The following C1orf115 variants were observed in gnomAD, a reference collection of about 807,000 sequenced individuals.
The protein encoded by C1orf115 is chromosome 1 open reading frame 115.
A neutral mutation model predicts 12.5 loss-of-function variants in C1orf115; 14 were observed. That is an observed-to-expected ratio of 1.12 (90% CI 0.74 to 1.75). The LOEUF (loss-of-function observed/expected upper bound fraction) is 1.75. Among genes scored for constraint, C1orf115 ranks in the 40% most tolerant of loss-of-function variants. The pLI, the probability that C1orf115 is intolerant of heterozygous loss-of-function variation, is 0.00. For missense variants in C1orf115, 237 were observed against 220.8 expected, an observed-to-expected ratio of 1.07 and a Z score of -0.46; for synonymous variants, 109 against 104.6, an observed-to-expected ratio of 1.04 and a Z score of -0.26.
At chr1:220,690,741 G>A in intron 1 of C1orf115, 30 bp downstream of exon 1, 1 of 1,555,334 alleles carries the variant, frequency 6.4e-7, no homozygotes, top group Non-Finnish European at 8.7e-7. Flanking sequence ...ACTGCCCGGG[G>A]GGCGCGGGTG....
intron 1 of C1orf115, among the ~76,000 whole-genome samples, chr1:220,693,200 G>A (rs1173230845): frequency 1.3e-5 from 2 of 152,148 alleles, no homozygotes; most frequent in African/African-American, 4.8e-5. Context: ...TGAAATAGTG[G>A]TTGAGAGATA....
intron 1 of C1orf115, among the ~76,000 whole-genome samples, chr1:220,695,331 C>T (rs1670175311): frequency 6.6e-6 from 1 of 151,800 alleles, no homozygotes; most frequent in South Asian, 2.1e-4. Context: ...AAGCCAAGAT[C>T]AAGGTGGGAG....
At position 220,690,623 on chromosome 1, in the gene C1orf115, T is replaced by C; in HGVS notation, c.221T>C (p.Leu74Pro). 2 of 1,553,252 alleles carry C rather than the reference T, an allele frequency of 1.3e-6. No individual in the cohort carries two copies. Among genetic ancestry groups the C allele is most frequent in the Non-Finnish European group, 8.7e-7 (1 of 1,153,006 alleles). ...GCGCGGAGGGTGCACTTCGCCCTCC[T>C]GCCCGAGCGCTACGAGCCACTGGAG... ...RGARRVHFAL[L>P]PERYEPLEEP... is the part of the protein sequence containing the mutation. Residue 74 changes from leucine (L) to proline (P), a missense_variant, in exon 1 of 2, where the codon CTG becomes CCG. Physicochemically the swap from Leu to Pro is moderately conservative, Grantham distance 98. Transcript: ENST00000294889.
In C1orf115 at chr1:220,696,235, C is replaced by A. The variant is rs528437812; in HGVS notation, c.310-377C>A. Among the ~76,000 whole-genome samples, 4 of 152,250 alleles carry A rather than the reference C, an allele frequency of 2.6e-5. No homozygotes were observed. The East Asian group carries it at 7.7e-4, about 29-fold the overall frequency. On this transcript the variant is annotated intron_variant, in intron 1 of 1. Coordinates refer to ENST00000294889, the MANE Select transcript of C1orf115 (RefSeq NM_024709.5). ...AAACTTAACCCAGCCTTCTGACGGT[C>A]CAGTAATTTTTAGCTGGAACAGAGA...
chr1:220,696,662 G>A lies in C1orf115; in HGVS notation c.360G>A (p.Leu120=). Residue 120 remains leucine, a synonymous_variant, in exon 2 of 2, where the codon CTG becomes CTA. Coordinates refer to ENST00000294889, the MANE Select transcript of C1orf115 (RefSeq NM_024709.5). ...GATGCCGCTACGTGGTCATCGGCCT[G>A]CAAGGCTTCGCTGCAGCCTACTCCG... ...IKGCRYVVIG[L]QGFAAAYSAP... 1 of 1,603,138 alleles carries A rather than the reference G, an allele frequency of 6.2e-7. No homozygotes were observed. Among genetic ancestry groups the A allele is most frequent in the Non-Finnish European group, 8.5e-7 (1 of 1,170,886 alleles).
chr1:220,698,537 G>A lies in C1orf115; in HGVS notation c.*1806G>A, dbSNP rs1272931245. 1 of 152,228 alleles carries A rather than the reference G, an allele frequency of 6.6e-6. No homozygotes were observed. The highest frequency in any genetic ancestry group is 1.5e-5 in the Non-Finnish European group (1 of 68,066). The allele number at this position is 152,228 out of a possible 1,614,324, so 9.4% of individuals were successfully genotyped here. The stretch of plus-strand genomic sequence containing the variant: ...CCACAACACTGGGTGTTGGAGAAAG[G>A]GAGAGATAGTCATAAGTGGAAGAAA... On this transcript the variant is annotated 3_prime_UTR_variant, in exon 2 of 2. Transcript: ENST00000294889.
intron 1 of C1orf115, 123 bp downstream of exon 1, chr1:220,690,834 C>T: frequency 3.4e-6 from 4 of 1,169,666 alleles, no homozygotes; most frequent in South Asian, 3.2e-5. Flanking sequence ...ACCCCTCCGC[C>T]CCCGCTCCCA....
Position 220,693,989 on chromosome 1 carries a change from A to G in C1orf115, c.310-2623A>G, listed in dbSNP as rs1214273012. 2.0e-5 allele frequency among the ~76,000 whole-genome samples: 3 copies of G among 150,316 alleles called. No homozygotes were observed. The East Asian group carries it at 6.0e-4, about 30-fold the overall frequency. ...CAGCTACTTGGGAGGCTGCAGCAGGAGAATCGCTTGAACCTGGGAGGTGGA... is the reference window on the plus strand; with the variant it reads ...CAGCTACTTGGGAGGCTGCAGCAGGGGAATCGCTTGAACCTGGGAGGTGGA... On this transcript the variant is annotated intron_variant, in intron 1 of 1. Coordinates refer to ENST00000294889, the MANE Select transcript of C1orf115 (RefSeq NM_024709.5).
chr1:220,691,483 A>G (rs1286694879), intron 1 of C1orf115, among the ~76,000 whole-genome samples: 1 of 152,180 alleles, frequency 6.6e-6, no homozygotes, highest in East Asian at 1.9e-4. Flanking sequence ...TGTCCTGGCC[A>G]AAGGCCACGG....
rs1169166399 is a variant in C1orf115, at chr1:220,697,285, TGAG to T, written c.*558_*560del. ...GTCACCAGGAGTTTAATTACAGGCT[TGAG>T]GAGAAGAAAGGAAGAAAAGATATCT... On this transcript the variant is annotated 3_prime_UTR_variant, in exon 2 of 2. Transcript: ENST00000294889. The surrounding 1 kb of genome is among the most constrained non-coding windows in gnomAD (Gnocchi z 4.5). 1.3e-5 allele frequency: 2 copies of T among 151,994 alleles called. No individual in the cohort carries two copies. Among genetic ancestry groups the T allele is most frequent in the Non-Finnish European group, 2.9e-5 (2 of 68,068 alleles). The allele number at this position is 151,994 out of a possible 1,614,324, so 9.4% of individuals were successfully genotyped here.
At position 220,699,005 on chromosome 1, in the gene C1orf115, CTTTCTTTTTT is replaced by C. The variant is rs1670233144; in HGVS notation, c.*2286_*2295del. 1 of 152,072 alleles carries C rather than the reference CTTTCTTTTTT, an allele frequency of 6.6e-6. No homozygotes were observed. The highest frequency in any genetic ancestry group is 1.5e-5 in the Non-Finnish European group (1 of 68,002). The allele number at this position is 152,072 out of a possible 1,614,324, so 9.4% of individuals were successfully genotyped here. On this transcript the variant is annotated 3_prime_UTR_variant, in exon 2 of 2. Transcript: ENST00000294889. ...GTCACAGATTACCTTTTTACCTTTT[CTTTCTTTTTT>C]TTTCTTTTTTTCAATATCAGTGCCC...
rs757725762 is a variant in C1orf115 at position 220,696,709 on chromosome 1, G to C, written c.407G>C (p.Ser136Thr). 1.3e-6 allele frequency: 2 copies of C among 1,597,036 alleles called. No individual in the cohort carries two copies. The highest frequency in any genetic ancestry group is 3.3e-5 in the Admixed American group (2 of 59,808). ...AYSAPFAVAT[S>T]VVSFVR ...TCCGCCCCGTTTGCGGTAGCCACCA[G>C]CGTGGTATCCTTCGTGCGCTAATGG... The change falls in exon 2 of 2, where the codon AGC becomes ACC. Residue 136 changes from serine (S) to threonine (T), a missense_variant. Coordinates refer to ENST00000294889, the MANE Select transcript of C1orf115 (RefSeq NM_024709.5).
At chr1:220,695,420 G>A (rs1369081382) in intron 1 of C1orf115, among the ~76,000 whole-genome samples, 2 of 151,970 alleles carry the variant, frequency 1.3e-5, no homozygotes, top group Non-Finnish European at 2.9e-5. Flanking sequence ...GGCAATGCGG[G>A]AGAAGCCAGG....
chr1:220,696,617 C>G lies in C1orf115; in HGVS notation c.315C>G (p.Val105=). The change falls in exon 2 of 2, where the codon GTC becomes GTG. Residue 105 remains valine (V), a synonymous_variant. Coordinates refer to ENST00000294889, the MANE Select transcript of C1orf115 (RefSeq NM_024709.5). ...RRKLKKYGKN[V]GKVIIKGCRY... ...TCTTTTATTCCTAACACTAGAATGT[C>G]GGGAAGGTCATCATCAAAGGATGCC... 6.3e-7 allele frequency: 1 copy of G among 1,584,772 alleles called. No homozygotes were observed. Among genetic ancestry groups the G allele is most frequent in the Non-Finnish European group, 8.6e-7 (1 of 1,156,078 alleles).
rs761203884 is a variant in C1orf115 at position 220,690,663 on chromosome 1, C to G, written c.261C>G (p.Ser87Arg). 112 of 1,593,844 alleles carry G rather than the reference C, an allele frequency of 7.0e-5. No homozygotes were observed. The highest frequency in any genetic ancestry group is 8.7e-5 in the Non-Finnish European group (102 of 1,171,778). ...RYEPLEEPAPSEQPRKRYRRK... is the reference protein window; with the variant it reads ...RYEPLEEPAPREQPRKRYRRK... ...AGCCACTGGAGGAGCCGGCGCCGAG[C>G]GAGCAGCCCAGGAAGAGGTACCGGA... Residue 87 changes from serine (S) to arginine (R), a missense_variant, in exon 1 of 2, where the codon AGC (serine) becomes AGG (arginine). Coordinates refer to ENST00000294889, the MANE Select transcript of C1orf115 (RefSeq NM_024709.5).
At position 220,697,010 on chromosome 1, in the gene C1orf115, T is replaced by C; in HGVS notation, c.*279T>C. ...GAGCTAGCGTGCTAAAGCCAGAGCC[T>C]TCACGTGAAGGTGGCAGGCACTGGG... On this transcript the variant is annotated 3_prime_UTR_variant, in exon 2 of 2. Coordinates refer to ENST00000294889, the MANE Select transcript of C1orf115 (RefSeq NM_024709.5). This position sits in a 1 kb window ranked among gnomAD's most constrained non-coding sequence, Gnocchi z 4.5. 3.6e-6 allele frequency: 1 copy of C among 279,638 alleles called. No homozygotes were observed. The highest frequency in any genetic ancestry group is 6.6e-6 in the Non-Finnish European group (1 of 151,008). The allele number at this position is 279,638 out of a possible 1,614,324, so 17.3% of individuals were successfully genotyped here. A position where few individuals can be genotyped will look rare whatever the true frequency, so the allele number is the denominator to read the frequency against.
At chr1:220,693,210 A>G (rs1444294159) in intron 1 of C1orf115, among the ~76,000 whole-genome samples, 1 of 152,224 alleles carries the variant, frequency 6.6e-6, no homozygotes, top group Non-Finnish European at 1.5e-5. Flanking sequence ...GTTGAGAGAT[A>G]TTTTATGTTT....
In C1orf115 at chr1:220,696,674, T is replaced by G. The variant is rs1464215213; in HGVS notation, c.372T>G (p.Ala124=). ...RYVVIGLQGF[A]AAYSAPFAVA... ...TGGTCATCGGCCTGCAAGGCTTCGC[T>G]GCAGCCTACTCCGCCCCGTTTGCGG... Residue 124 remains alanine, a synonymous_variant, in exon 2 of 2, where the codon GCT becomes GCG. Coordinates refer to ENST00000294889, the MANE Select transcript of C1orf115 (RefSeq NM_024709.5). The G allele has an allele frequency of 1.2e-6, 2 of 1,604,476 alleles. No homozygotes were observed. The highest frequency in any genetic ancestry group is 2.2e-5 in the South Asian group (2 of 90,724).
rs763912380 is a variant in C1orf115, at chr1:220,690,701, A to C, written c.299A>C (p.Lys100Thr). The C allele has an allele frequency of 6.9e-6, 11 of 1,590,370 alleles. No homozygotes were observed. The highest frequency in any genetic ancestry group is 1.4e-5 in the African/African-American group (1 of 73,706). Residue 100 changes from lysine to threonine, a missense_variant, in exon 1 of 2, where the codon AAG becomes ACG. Coordinates refer to ENST00000294889, the MANE Select transcript of C1orf115 (RefSeq NM_024709.5). The part of the protein sequence containing the change: ...PRKRYRRKLK[K>T]YGKNVGKVII... ...AAGAGGTACCGGAGGAAGCTGAAGA[A>C]GTACGGCAAGGTAGGGGCCCTGCGC...
Sources: gnomAD v4.1 joint callset for allele counts (sites outside exome capture counted in the v4.1 genomes callset) on GRCh38, gnomAD v4.1.1 for gene constraint, Gnocchi (gnomAD v3.1) non-coding constraint, MANE v1.5 for transcripts, NCBI Gene and HGNC (gene_info 2026-07-23, HGNC 2026-07-21) for gene names.